CEP112: variants seen among roughly 807,000 people sequenced by gnomAD.
CEP112 encodes the protein centrosomal protein of 112 kDa.
CEP112 carries 127 observed loss-of-function variants against 153.0 expected under a neutral mutation model. That is an observed-to-expected ratio of 0.83 (90% CI 0.72 to 0.96). The LOEUF (loss-of-function observed/expected upper bound fraction) is 0.96. CEP112 is among the 40% of genes least tolerant of loss of function. The pLI is 0.00. For missense variants in CEP112, 1,089 were observed against 1,101.2 expected, an observed-to-expected ratio of 0.99 and a Z score of 0.16; for synonymous variants, 358 against 374.4, an observed-to-expected ratio of 0.96 and a Z score of 0.51.
chr17:65,749,016 T>C (rs2145227247), intron 22 of CEP112, among the ~76,000 whole-genome samples: 1 of 152,294 alleles, frequency 6.6e-6, no homozygotes, highest in South Asian at 2.1e-4. Context: ...AAACTTTAAC[T>C]TTTGGCCTAA....
chr17:65,919,852 A>G (rs1414748201), intron 19 of CEP112, among the ~76,000 whole-genome samples: 1 of 152,054 alleles, frequency 6.6e-6, no homozygotes, highest in Non-Finnish European at 1.5e-5. Flanking sequence ...TCATGGTACC[A>G]TGTATGTATG....
intron 23 of CEP112, among the ~76,000 whole-genome samples, chr17:65,704,492 A>T (rs980622982): frequency 6.6e-6 from 1 of 151,848 alleles, no homozygotes; most frequent in South Asian, 2.1e-4. Context: ...ACTAGACCTC[A>T]TTTTACCCAT....
At chr17:65,974,077 TTAC>T (rs977377132) in intron 17 of CEP112, among the ~76,000 whole-genome samples, 8 of 151,894 alleles carry the variant, frequency 5.3e-5, no homozygotes, top group Non-Finnish European at 7.4e-5. Flanking sequence ...CGCTGTTTTC[TTAC>T]TTCTTTTTTT....
intron 19 of CEP112, among the ~76,000 whole-genome samples, chr17:65,902,858 A>G (rs1678534281): frequency 6.6e-6 from 1 of 152,202 alleles, no homozygotes; most frequent in South Asian, 2.1e-4. Context: ...GTATACCAAC[A>G]TAAACAGATG....
At chr17:66,085,951 T>A (rs1007087681) in intron 8 of CEP112, among the ~76,000 whole-genome samples, 2 of 118,582 alleles carry the variant, frequency 1.7e-5, no homozygotes, top group African/African-American at 6.5e-5. Context: ...TACTCCAGCC[T>A]GGGTGACGAC....
At chr17:66,034,983 TATATATATAC>T (rs1445194663) in intron 12 of CEP112, among the ~76,000 whole-genome samples, 2 of 31,922 alleles carry the variant, frequency 6.3e-5, no homozygotes, top group Non-Finnish European at 1.0e-4. Context: ...CATGTATATA[TATATATATAC>T]ATATATATAT....
chr17:65,757,267 C>G (rs917968383), intron 21 of CEP112, among the ~76,000 whole-genome samples: 3 of 151,968 alleles, frequency 2.0e-5, no homozygotes, highest in Non-Finnish European at 4.4e-5. Context: ...CAGGGTGGGA[C>G]GAGGGGAGGA....
At chr17:65,966,496 A>G (rs1328124465) in intron 17 of CEP112, among the ~76,000 whole-genome samples, 2 of 152,192 alleles carry the variant, frequency 1.3e-5, no homozygotes. Flanking sequence ...CCAGCTTGGC[A>G]TCTCCCCTGG....
chr17:65,714,248 G>A (rs2049368995), intron 23 of CEP112, among the ~76,000 whole-genome samples: 1 of 151,802 alleles, frequency 6.6e-6, no homozygotes, highest in South Asian at 2.1e-4. Flanking sequence ...CTCTCTTCAT[G>A]TACATATGTA....
intron 5 of CEP112, among the ~76,000 whole-genome samples, chr17:66,130,503 C>T (rs1244946052): frequency 2.6e-5 from 4 of 152,062 alleles, no homozygotes; most frequent in African/African-American, 7.2e-5. Flanking sequence ...TGGTTGGGCA[C>T]AGTGGCTCAC....
Position 65,965,518 on chromosome 17 carries a change from C to CCTTTTTTT in CEP112, c.1737-3921_1737-3920insAAAAAAAG, listed in dbSNP as rs1555734627. ...CTAATATTTAGAAACCTTCTGCCCC[C>CCTTTTTTT]TTTTTTTTTTTTTTTTTTCTTTGAG... On this transcript the variant is annotated intron_variant, in intron 17 of 26. Transcript: ENST00000535342. 2.5e-5 allele frequency among the ~76,000 whole-genome samples: 3 copies of CCTTTTTTT among 122,074 alleles called. 1 individual carries two copies. The highest frequency in any genetic ancestry group is 3.3e-5 in the African/African-American group (1 of 30,386). 80.1% of individuals were successfully genotyped at this position (122,074 alleles called of 152,430 possible). A position where few individuals can be genotyped will look rare whatever the true frequency, so the allele number is the denominator to read the frequency against.
chr17:65,930,387 C>T (rs1016964623), intron 18 of CEP112, among the ~76,000 whole-genome samples: 1 of 152,182 alleles, frequency 6.6e-6, no homozygotes, highest in Admixed American at 6.5e-5. Flanking sequence ...TGCATGAGAA[C>T]AAAATGCATA....
chr17:65,875,524 C>T lies in CEP112; in HGVS notation c.2164-23490G>A, dbSNP rs8065826. On this transcript the variant is annotated intron_variant, in intron 20 of 26. Transcript: ENST00000535342. The stretch of plus-strand genomic sequence containing the variant: ...TTCATAAATTAATTTATTCACAATC[C>T]ATTGATTTTCTGCTATAAAAAATAT... 1.8e-3 allele frequency among the ~76,000 whole-genome samples: 275 copies of T among 152,142 alleles called. 3 individuals carry two copies. The highest frequency in any genetic ancestry group is 6.4e-3 in the African/African-American group (266 of 41,530).
At chr17:65,932,467 TAAG>T (rs1038576933) in intron 18 of CEP112, among the ~76,000 whole-genome samples, 2 of 152,234 alleles carry the variant, frequency 1.3e-5, no homozygotes, top group African/African-American at 4.8e-5. Context: ...ATATTCCTTC[TAAG>T]AAGATCACGG....
rs376208349 is a variant in CEP112 at position 65,691,994 on chromosome 17, G to A, written c.2608-2776C>T. ...TACAAGGGGCTTCATCAACTGGCTT[G>A]GTCTCCAGCCACGCTGTGCCGTAGG... On this transcript the variant is annotated intron_variant, in intron 23 of 26. Coordinates refer to ENST00000535342, the MANE Select transcript of CEP112 (RefSeq NM_001199165.4). Among the ~76,000 whole-genome samples the A allele has an allele frequency of 1.2e-4, 18 of 152,274 alleles. No homozygotes were observed. The East Asian group carries it at 2.1e-3, about 18-fold the overall frequency.
intron 23 of CEP112, among the ~76,000 whole-genome samples, chr17:65,699,515 T>C (rs1303740430): frequency 1.3e-5 from 2 of 152,216 alleles, no homozygotes; most frequent in African/African-American, 4.8e-5. Flanking sequence ...TCTAGAGGGC[T>C]GGTCACCACT....
chr17:65,719,894 A>C (rs1160125484), intron 23 of CEP112, among the ~76,000 whole-genome samples: 1 of 152,220 alleles, frequency 6.6e-6, no homozygotes, highest in Non-Finnish European at 1.5e-5. Flanking sequence ...GACCCAGTGA[A>C]GAAAGATCAC....
intron 24 of CEP112, among the ~76,000 whole-genome samples, chr17:65,668,735 T>C (rs1376885680): frequency 6.6e-6 from 1 of 152,232 alleles, no homozygotes; most frequent in African/African-American, 2.4e-5. Context: ...GGATGGTTTC[T>C]ATTCTCTCAA....
chr17:65,707,644 T>C (rs2048982815), intron 23 of CEP112, among the ~76,000 whole-genome samples: 1 of 152,220 alleles, frequency 6.6e-6, no homozygotes, highest in African/African-American at 2.4e-5. Context: ...TTCATTACCA[T>C]TAGCACTTCC....
Sources: gnomAD v4.1 joint callset for allele counts (sites outside exome capture counted in the v4.1 genomes callset) on GRCh38, gnomAD v4.1.1 for gene constraint, MANE v1.5 for transcripts, NCBI Gene and HGNC (gene_info 2026-07-23, HGNC 2026-07-21) for gene names.